The following NDUFAF2 variants were observed in gnomAD, a reference collection of about 807,000 sequenced individuals.
The protein encoded by NDUFAF2 is NADH dehydrogenase [ubiquinone] 1 alpha subcomplex assembly factor 2.
In NDUFAF2, 13 loss-of-function variants were observed where a neutral mutation model predicts 22.8. The ratio of observed to expected loss-of-function variants is 0.57; its 90% CI spans 0.37 to 0.91. NDUFAF2 has a LOEUF of 0.91. NDUFAF2 is among the 40% of genes least tolerant of loss of function. The pLI is 0.01. For missense variants in NDUFAF2, 162 were observed against 195.2 expected, an observed-to-expected ratio of 0.83 and a Z score of 1.01; for synonymous variants, 53 against 64.2, an observed-to-expected ratio of 0.83 and a Z score of 0.84.
At chr5:61,134,252 G>A (rs1311546162) in intron 3 of NDUFAF2, among the ~76,000 whole-genome samples, 2 of 101,808 alleles carry the variant, frequency 2.0e-5, no homozygotes, top group Admixed American at 1.2e-4. Flanking sequence ...AAAAATGGGA[G>A]GATAAACAGA....
At chr5:60,989,400 T>C (rs907262856) in intron 1 of NDUFAF2, among the ~76,000 whole-genome samples, 6 of 152,274 alleles carry the variant, frequency 3.9e-5, no homozygotes, top group Middle Eastern at 3.4e-3. Context: ...CATCACATTA[T>C]TGGGTATATA....
chr5:60,994,057 C>A (rs1751196678), intron 1 of NDUFAF2, among the ~76,000 whole-genome samples: 1 of 152,234 alleles, frequency 6.6e-6, no homozygotes, highest in African/African-American at 2.4e-5. Context: ...TCCCCCACGG[C>A]TTCCCTCCCA....
intron 3 of NDUFAF2, among the ~76,000 whole-genome samples, chr5:61,112,374 C>T (rs1280487839): frequency 6.6e-6 from 1 of 151,888 alleles, no homozygotes; most frequent in Non-Finnish European, 1.5e-5. Context: ...CCACCATGCC[C>T]AGCTAATTTT....
chr5:60,967,239 G>T (rs1171605594), intron 1 of NDUFAF2, among the ~76,000 whole-genome samples: 1 of 151,814 alleles, frequency 6.6e-6, no homozygotes, highest in African/African-American at 2.4e-5. Flanking sequence ...GTTTTTTAGT[G>T]GCATTTTTAG....
rs560674498 is a variant in NDUFAF2 at position 61,123,336 on chromosome 5, G to A, written c.258+24304G>A. On this transcript the variant is annotated intron_variant, in intron 3 of 3. Coordinates refer to ENST00000296597, the MANE Select transcript of NDUFAF2 (RefSeq NM_174889.5). ...GTGCAAATATCAGAGTGTACTTAGGGAAAACTAGATAGTATAGCCTACTAC... is the reference window on the plus strand; with the variant it reads ...GTGCAAATATCAGAGTGTACTTAGGAAAAACTAGATAGTATAGCCTACTAC... Among the ~76,000 whole-genome samples, 10 of 152,130 alleles carry A rather than the reference G, an allele frequency of 6.6e-5. No individual in the cohort carries two copies. In the South Asian group the frequency reaches 1.9e-3, roughly 28 times the overall value.
At chr5:61,004,805 A>C (rs1751344029) in intron 1 of NDUFAF2, among the ~76,000 whole-genome samples, 1 of 152,098 alleles carries the variant, frequency 6.6e-6, no homozygotes, top group Non-Finnish European at 1.5e-5. Flanking sequence ...TACTCATAGC[A>C]TTGACCCAAA....
chr5:61,083,690 TATAGATCTTGC>T (rs1477893081), intron 2 of NDUFAF2, among the ~76,000 whole-genome samples: 1 of 151,668 alleles, frequency 6.6e-6, no homozygotes, highest in African/African-American at 2.4e-5. Context: ...AGTTTTCAAC[TATAGATCTTGC>T]ACATGTTTTA....
intron 3 of NDUFAF2, among the ~76,000 whole-genome samples, chr5:61,122,375 C>A (rs1453551124): frequency 3.9e-5 from 6 of 152,090 alleles, no homozygotes; most frequent in Non-Finnish European, 8.8e-5. Flanking sequence ...AAGTGTTTAG[C>A]CAGTGCATAA....
chr5:60,959,309 T>A (rs1750655132), intron 1 of NDUFAF2, among the ~76,000 whole-genome samples: 1 of 151,908 alleles, frequency 6.6e-6, no homozygotes. Context: ...CACTGTTAAA[T>A]TTTTTTTGAA....
chr5:60,995,807 A>G (rs1751221691), intron 1 of NDUFAF2, among the ~76,000 whole-genome samples: 1 of 152,196 alleles, frequency 6.6e-6, no homozygotes, highest in South Asian at 2.1e-4. Flanking sequence ...GAGTCAGGGA[A>G]TAGAGTGAAA....
intron 1 of NDUFAF2, among the ~76,000 whole-genome samples, chr5:61,017,433 G>GT (rs1751526458): frequency 1.3e-5 from 2 of 151,822 alleles, no homozygotes; most frequent in Non-Finnish European, 2.9e-5. Flanking sequence ...AGATAACTTT[G>GT]TAGAATGTTT....
At chr5:61,116,630 A>C (rs1404150673) in intron 3 of NDUFAF2, 1 of 152,222 alleles carries the variant, frequency 6.6e-6, no homozygotes, top group Admixed American at 6.5e-5. Context: ...CTAGAATTCT[A>C]TACCTAGTTT....
chr5:61,151,931 CTA>C (rs1043053263), intron 3 of NDUFAF2, among the ~76,000 whole-genome samples: 7 of 152,152 alleles, frequency 4.6e-5, no homozygotes, highest in Middle Eastern at 3.4e-3. Context: ...ATCTCTGAAA[CTA>C]TGTGTGGAAT....
At chr5:60,950,479 C>G (rs1750529570) in intron 1 of NDUFAF2, among the ~76,000 whole-genome samples, 1 of 152,118 alleles carries the variant, frequency 6.6e-6, no homozygotes, top group African/African-American at 2.4e-5. Flanking sequence ...GCCACCACGC[C>G]TGGCCACTAC....
At chr5:61,005,921 G>T (rs2112593942) in intron 1 of NDUFAF2, among the ~76,000 whole-genome samples, 1 of 152,156 alleles carries the variant, frequency 6.6e-6, no homozygotes, top group South Asian at 2.1e-4. Flanking sequence ...AGTTTCTTTT[G>T]CTGTGCAGAA....
chr5:61,094,664 G>A (rs539046730), intron 2 of NDUFAF2, among the ~76,000 whole-genome samples: 1 of 152,256 alleles, frequency 6.6e-6, no homozygotes, highest in South Asian at 2.1e-4. Context: ...CTTTGGATGG[G>A]TTTTTATTTT....
At chr5:60,949,344 T>C (rs910654788) in intron 1 of NDUFAF2, among the ~76,000 whole-genome samples, 1 of 152,216 alleles carries the variant, frequency 6.6e-6, no homozygotes, top group Non-Finnish European at 1.5e-5. Context: ...TTCAGCATAA[T>C]GCCTTTGAGA....
intron 1 of NDUFAF2, among the ~76,000 whole-genome samples, chr5:60,977,665 C>T (rs1483046710): frequency 2.0e-5 from 3 of 151,744 alleles, no homozygotes; most frequent in Admixed American, 1.3e-4. Flanking sequence ...GGTGAAACCC[C>T]GTTTCTACTA....
At chr5:61,021,798 T>G (rs1279042672) in intron 1 of NDUFAF2, among the ~76,000 whole-genome samples, 3 of 152,256 alleles carry the variant, frequency 2.0e-5, no homozygotes, top group Non-Finnish European at 4.4e-5. Flanking sequence ...CCTTTGTTTC[T>G]AAATGCCTTC....
Sources: allele counts gnomAD v4.1 joint callset (sites outside exome capture counted in the v4.1 genomes callset), GRCh38; gene constraint gnomAD v4.1.1; transcripts MANE v1.5; gene names NCBI Gene and HGNC (gene_info 2026-07-23, HGNC 2026-07-21).